CSMD1: variants seen among roughly 807,000 people sequenced by gnomAD.
CSMD1 encodes CUB and Sushi multiple domains 1, also known as CUB and sushi domain-containing protein 1.
In CSMD1, 213 loss-of-function variants were observed where a neutral mutation model predicts 417.5. The observed-to-expected ratio is 0.51, with a 90% CI of 0.46 to 0.57. The LOEUF (loss-of-function observed/expected upper bound fraction) is 0.57, where lower values mean the gene tolerates loss of function less well. Ranked by LOEUF, CSMD1 falls within the 20% of genes least tolerant of loss-of-function variation. CSMD1 has a pLI of 0.00. For missense variants in CSMD1, 6,923 were observed against 4,529.7 expected (o/e 1.53, Z -15.17); for synonymous variants, 2,862 against 1,736.8 (o/e 1.65, Z -16.11).
intron 3 of CSMD1, among the ~76,000 whole-genome samples, chr8:4,224,316 C>T (rs1347202277): frequency 6.6e-6 from 1 of 152,108 alleles, no homozygotes; most frequent in Admixed American, 6.5e-5. Context: ...ATATTTTAAC[C>T]AGTCCAAGAG....
chr8:3,800,028 G>C lies in CSMD1; in HGVS notation c.819-45986C>G, dbSNP rs558554627. On this transcript the variant is annotated intron_variant, in intron 5 of 69. Transcript: ENST00000635120. The stretch of plus-strand genomic sequence containing the variant: ...AACCTTGTAAAATCACTTGACTTTT[G>C]AACCTCAATTCTTTTGTCACTGAAA... 5.3e-5 allele frequency among the ~76,000 whole-genome samples: 8 copies of C among 152,194 alleles called. No homozygotes were observed. In the South Asian group the frequency reaches 1.5e-3, roughly 28 times the overall value.
chr8:3,964,555 C>G (rs560250359), intron 5 of CSMD1, among the ~76,000 whole-genome samples: 4 of 152,188 alleles, frequency 2.6e-5, no homozygotes, highest in African/African-American at 9.7e-5. Flanking sequence ...GAAATAAATA[C>G]ACTGGAGAAG....
chr8:4,158,569 A>G (rs1796970206), intron 3 of CSMD1, among the ~76,000 whole-genome samples: 1 of 152,156 alleles, frequency 6.6e-6, no homozygotes, highest in African/African-American at 2.4e-5. Context: ...GTTCACTATG[A>G]CAGAACAGTC....
At chr8:4,279,643 C>G (rs1433936863) in intron 3 of CSMD1, among the ~76,000 whole-genome samples, 12 of 152,158 alleles carry the variant, frequency 7.9e-5, no homozygotes, top group Admixed American at 7.9e-4. Context: ...TGTGGTAACT[C>G]ATTCGAGTAT....
At chr8:3,300,982 G>A (rs80154570) in intron 25 of CSMD1, among the ~76,000 whole-genome samples, 11,616 of 101,094 alleles carry the variant, frequency 0.11, 874 homozygotes, top group Non-Finnish European at 0.16. Flanking sequence ...AAAAAAAAAA[G>A]AGAAAGAAAA....
At chr8:3,373,109 C>G (rs770805326) in intron 18 of CSMD1, among the ~76,000 whole-genome samples, 10 of 152,146 alleles carry the variant, frequency 6.6e-5, no homozygotes, top group Non-Finnish European at 1.5e-4. Context: ...GTCTTTATCC[C>G]AAAATCTGCA....
At chr8:4,160,001 G>C (rs755311126) in intron 3 of CSMD1, among the ~76,000 whole-genome samples, 1 of 151,868 alleles carries the variant, frequency 6.6e-6, no homozygotes, top group African/African-American at 2.4e-5. Flanking sequence ...ATAATGCTCT[G>C]GTGATGGGTG....
At chr8:4,475,313 C>A (rs1800740503) in intron 2 of CSMD1, among the ~76,000 whole-genome samples, 1 of 152,084 alleles carries the variant, frequency 6.6e-6, no homozygotes, top group African/African-American at 2.4e-5. Context: ...AAGCATGTCT[C>A]CAAATTGTGA....
At chr8:3,040,413 T>TAA (rs1038934898) in intron 50 of CSMD1, among the ~76,000 whole-genome samples, 9 of 139,800 alleles carry the variant, frequency 6.4e-5, no homozygotes, top group South Asian at 2.2e-4. Flanking sequence ...TATATATATA[T>TAA]AACAGAAATA....
chr8:3,774,247 C>T (rs981938400), intron 5 of CSMD1, among the ~76,000 whole-genome samples: 25 of 152,136 alleles, frequency 1.6e-4, no homozygotes, highest in African/African-American at 5.5e-4. Flanking sequence ...GCCACTTGCT[C>T]TGTAAATTCT....
chr8:3,540,191 C>T (rs1377161597), intron 10 of CSMD1, among the ~76,000 whole-genome samples: 1 of 152,062 alleles, frequency 6.6e-6, no homozygotes, highest in Non-Finnish European at 1.5e-5. Flanking sequence ...TGAAAAAAAA[C>T]CTTATTCCAA....
chr8:3,587,410 G>T (rs982094661), intron 8 of CSMD1, among the ~76,000 whole-genome samples: 1 of 152,188 alleles, frequency 6.6e-6, no homozygotes, highest in Non-Finnish European at 1.5e-5. Flanking sequence ...ACGGGTTGAT[G>T]TTGAGGAAAC....
At chr8:3,366,191 T>A (rs1434503762) in intron 20 of CSMD1, among the ~76,000 whole-genome samples, 3 of 152,268 alleles carry the variant, frequency 2.0e-5, no homozygotes, top group African/African-American at 7.2e-5. Flanking sequence ...GTTAATATGA[T>A]TGTTCCCATC....
chr8:4,029,785 A>G (rs552437136), intron 4 of CSMD1, among the ~76,000 whole-genome samples: 121 of 152,328 alleles, frequency 7.9e-4, no homozygotes, highest in Non-Finnish European at 1.5e-3. Flanking sequence ...GAGACAAAAC[A>G]AGTATCTTCC....
intron 2 of CSMD1, among the ~76,000 whole-genome samples, chr8:4,442,759 T>C (rs78590867): frequency 2.0e-5 from 3 of 152,202 alleles, no homozygotes; most frequent in Non-Finnish European, 2.9e-5. Flanking sequence ...TTGCATATAA[T>C]CCAAAGACAG....
At chr8:4,000,763 T>G (rs1426907314) in intron 4 of CSMD1, among the ~76,000 whole-genome samples, 1 of 152,000 alleles carries the variant, frequency 6.6e-6, no homozygotes, top group African/African-American at 2.4e-5. Flanking sequence ...AATATTTAGA[T>G]TTTATTCTTT....
chr8:4,816,487 C>G (rs944166065), intron 1 of CSMD1, among the ~76,000 whole-genome samples: 1 of 152,054 alleles, frequency 6.6e-6, no homozygotes, highest in Admixed American at 6.6e-5. Flanking sequence ...CTCAGGCTCC[C>G]AAAATGTTGG....
chr8:3,408,203 C>G lies in CSMD1; in HGVS notation c.1767G>C (p.Thr589=), dbSNP rs972093678. The change falls in exon 14 of 70, where the codon ACG becomes ACC. Residue 589 remains threonine, a synonymous_variant. Transcript: ENST00000635120. ...GTGACAGAATAATCCCAGATGATGC[C>G]GTAAAGTTGAAGAAACATGAAACTG... is the stretch of plus-strand genomic sequence containing the variant. ...SCVFSCFFNF[T]ASSGIILSPN... 8 of 1,605,386 alleles carry G rather than the reference C, an allele frequency of 5.0e-6. No homozygotes were observed. The highest frequency in any genetic ancestry group is 6.8e-6 in the Non-Finnish European group (8 of 1,174,808).
At chr8:3,590,132 A>T (rs562739281) in intron 8 of CSMD1, among the ~76,000 whole-genome samples, 1 of 152,178 alleles carries the variant, frequency 6.6e-6, no homozygotes, top group South Asian at 2.1e-4. Context: ...TAGAAAAAGA[A>T]AAAAGGACAA....
Sources: gnomAD v4.1 joint callset for allele counts (sites outside exome capture counted in the v4.1 genomes callset) on GRCh38, gnomAD v4.1.1 for gene constraint, MANE v1.5 for transcripts, NCBI Gene and HGNC (gene_info 2026-07-23, HGNC 2026-07-21) for gene names.